Variants in GRM7 observed in about 807,000 individuals in gnomAD.
GRM7 encodes metabotropic glutamate receptor 7.
A neutral mutation model predicts 84.5 loss-of-function variants in GRM7; 35 were observed. That is an observed-to-expected ratio of 0.41 (90% CI 0.32 to 0.55). GRM7 has a LOEUF of 0.55. Among genes scored for constraint, GRM7 ranks in the 20% least tolerant of loss-of-function variants. The probability of loss-of-function intolerance (pLI) is 0.19; values close to 1 mark genes in which losing one functional copy is unlikely to be tolerated. For synonymous variants in GRM7, 487 were observed against 455.1 expected, an observed-to-expected ratio of 1.07 and a Z score of -0.89; for missense variants, 1,003 against 1,194.6, an observed-to-expected ratio of 0.84 and a Z score of 2.36.
intron 1 of GRM7, among the ~76,000 whole-genome samples, chr3:6,891,097 C>T (rs1452112633): frequency 6.6e-6 from 1 of 152,166 alleles, no homozygotes; most frequent in African/African-American, 2.4e-5. Context: ...AGATCTTCCT[C>T]CATCCTTTTA....
intron 7 of GRM7, among the ~76,000 whole-genome samples, chr3:7,467,995 C>A (rs987251259): frequency 8.5e-5 from 13 of 152,240 alleles, no homozygotes; most frequent in Admixed American, 7.2e-4. Flanking sequence ...TTTTGGCTGT[C>A]ACAGACACCT....
intron 1 of GRM7, among the ~76,000 whole-genome samples, chr3:7,013,641 C>T (rs1009763872): frequency 3.9e-5 from 6 of 152,056 alleles, no homozygotes; most frequent in Admixed American, 2.6e-4. Context: ...AATAAACTAG[C>T]GTGGTGGTGC....
chr3:7,450,568 T>C (rs1283832247), intron 5 of GRM7, among the ~76,000 whole-genome samples: 2 of 152,072 alleles, frequency 1.3e-5, no homozygotes, highest in African/African-American at 2.4e-5. Flanking sequence ...ATAAAGCAAA[T>C]GAATAATCAT....
rs186395838 is a variant in GRM7, at chr3:7,575,229, C to A, written c.1516-3193C>A. On this transcript the variant is annotated intron_variant, in intron 7 of 9. Coordinates refer to ENST00000357716, the MANE Select transcript of GRM7 (RefSeq NM_000844.4). ...AGCTACCTACTAAGACCAGGTACCC[C>A]AAAACCATAAACCTTGGATGTCCAG... 2.1e-3 allele frequency among the ~76,000 whole-genome samples: 318 copies of A among 152,262 alleles called. 1 individual carries two copies. Among genetic ancestry groups the A allele is most frequent in the African/African-American group, 7.5e-3 (310 of 41,550 alleles).
At position 7,452,656 on chromosome 3, in the gene GRM7, C is replaced by A. The variant is rs776873783; in HGVS notation, c.1224C>A (p.Val408=). 2.9e-5 allele frequency: 46 copies of A among 1,613,250 alleles called. No homozygotes were observed. The highest frequency in any genetic ancestry group is 3.9e-5 in the Non-Finnish European group (46 of 1,179,542). The change falls in exon 6 of 10, where the codon GTC becomes GTA. Residue 408 remains valine, a synonymous_variant. Transcript: ENST00000357716. ...CCAACTATGAGCAGGAGGGTAAAGT[C>A]CAGTTCGTGATTGACGCAGTCTATG... ...KDSNYEQEGK[V]QFVIDAVYAM...
At chr3:7,410,337 G>A (rs1695872164) in intron 4 of GRM7, among the ~76,000 whole-genome samples, 1 of 152,134 alleles carries the variant, frequency 6.6e-6, no homozygotes, top group Non-Finnish European at 1.5e-5. Flanking sequence ...TTGGGAGGCC[G>A]AAGCAGGTGG....
chr3:7,279,379 A>G (rs1012462427), intron 2 of GRM7, among the ~76,000 whole-genome samples: 3 of 152,164 alleles, frequency 2.0e-5, no homozygotes, highest in African/African-American at 7.2e-5. Context: ...ATCTGTTGAA[A>G]AGAATGTACA....
Position 7,139,059 on chromosome 3 carries a change from G to T in GRM7, c.520-7393G>T, listed in dbSNP as rs999503334. ...TATATATCCTACTTTATAATATATAGTACATTATATAATATTATATAATGT... is the reference window on the plus strand; with the variant it reads ...TATATATCCTACTTTATAATATATATTACATTATATAATATTATATAATGT... On this transcript the variant is annotated intron_variant, in intron 1 of 9. Coordinates refer to ENST00000357716, the MANE Select transcript of GRM7 (RefSeq NM_000844.4). Among the ~76,000 whole-genome samples, 10 of 145,084 alleles carry T rather than the reference G, an allele frequency of 6.9e-5. No individual in the cohort carries two copies. The South Asian group carries it at 1.9e-3, about 28-fold the overall frequency.
chr3:7,294,153 C>T (rs996257615), intron 2 of GRM7, among the ~76,000 whole-genome samples: 4 of 152,208 alleles, frequency 2.6e-5, no homozygotes, highest in African/African-American at 4.8e-5. Flanking sequence ...TCCACACATC[C>T]GTTCCCCTAG....
intron 1 of GRM7, among the ~76,000 whole-genome samples, chr3:6,962,078 C>A (rs1693324198): frequency 6.6e-6 from 1 of 152,140 alleles, no homozygotes; most frequent in Non-Finnish European, 1.5e-5. Context: ...TTCCATCTTG[C>A]TAAATTTTAT....
chr3:7,228,475 G>T (rs1319721725), intron 2 of GRM7, among the ~76,000 whole-genome samples: 2 of 152,184 alleles, frequency 1.3e-5, no homozygotes, highest in Non-Finnish European at 2.9e-5. Context: ...CCAAGAAGAC[G>T]CTCTTGGGTC....
intron 7 of GRM7, among the ~76,000 whole-genome samples, chr3:7,507,066 A>G (rs1369417549): frequency 2.0e-5 from 3 of 152,238 alleles, no homozygotes; most frequent in African/African-American, 7.2e-5. Context: ...TGAATCACAA[A>G]TGCCTGACAG....
intron 2 of GRM7, among the ~76,000 whole-genome samples, chr3:7,226,986 A>G (rs1025458386): frequency 2.0e-5 from 3 of 152,308 alleles, no homozygotes; most frequent in Admixed American, 6.5e-5. Flanking sequence ...ATTTCCAAGG[A>G]CATTCTGATT....
rs77801727 is a variant in GRM7, at chr3:6,938,907, T to C, written c.519+77000T>C. On this transcript the variant is annotated intron_variant, in intron 1 of 9. Coordinates refer to ENST00000357716, the MANE Select transcript of GRM7 (RefSeq NM_000844.4). ...AATCCATTGATATTCCTTCTTATTA[T>C]AAAATGCCTGTTAAGGCACTTGCTG... 7.4e-3 allele frequency among the ~76,000 whole-genome samples: 1,123 copies of C among 152,336 alleles called. 21 individuals carry two copies. Among genetic ancestry groups the C allele is most frequent in the African/African-American group, 0.025 (1,060 of 41,576 alleles).
chr3:7,332,700 A>G (rs1013041206), intron 4 of GRM7, among the ~76,000 whole-genome samples: 5 of 152,192 alleles, frequency 3.3e-5, no homozygotes, highest in African/African-American at 1.2e-4. Context: ...TCCAAGAACC[A>G]CGACAGGAAC....
chr3:7,641,907 T>A (rs1351544619), intron 8 of GRM7, among the ~76,000 whole-genome samples: 2 of 150,466 alleles, frequency 1.3e-5, no homozygotes, highest in Non-Finnish European at 3.0e-5. Flanking sequence ...GAGCTCACAC[T>A]CTCCTACCAT....
At chr3:7,237,921 T>G (rs1697406441) in intron 2 of GRM7, among the ~76,000 whole-genome samples, 1 of 152,086 alleles carries the variant, frequency 6.6e-6, no homozygotes, top group African/African-American at 2.4e-5. Flanking sequence ...TTTTACAGAG[T>G]ACTGATTGGT....
chr3:7,058,874 G>A (rs1410194796), intron 1 of GRM7, among the ~76,000 whole-genome samples: 1 of 151,840 alleles, frequency 6.6e-6, no homozygotes, highest in Non-Finnish European at 1.5e-5. Flanking sequence ...AAGGAAGGAG[G>A]AAGTAACTTG....
At chr3:7,239,290 T>G (rs1480889099) in intron 2 of GRM7, among the ~76,000 whole-genome samples, 1 of 152,148 alleles carries the variant, frequency 6.6e-6, no homozygotes, top group Admixed American at 6.5e-5. Context: ...CGTGAGCCAC[T>G]GAGCCCAGTC....
Sources: gnomAD v4.1 joint callset for allele counts (sites outside exome capture counted in the v4.1 genomes callset) on GRCh38, gnomAD v4.1.1 for gene constraint, MANE v1.5 for transcripts, NCBI Gene and HGNC (gene_info 2026-07-23, HGNC 2026-07-21) for gene names.